Variants in TTC7B observed in about 807,000 individuals in gnomAD.
TTC7B encodes tetratricopeptide repeat protein 7B.
TTC7B carries 28 observed loss-of-function variants against 106.8 expected under a neutral mutation model. The ratio of observed to expected loss-of-function variants is 0.26; its 90% CI spans 0.19 to 0.36. The LOEUF is 0.36. TTC7B is among the 10% of genes least tolerant of loss of function. TTC7B has a pLI of 1.00. For synonymous variants in TTC7B, 405 were observed against 430.6 expected (o/e 0.94, Z 0.74); for missense variants, 862 against 1,076.4 (o/e 0.80, Z 2.79).
rs1888955227 is a variant in TTC7B, at chr14:90,722,990, A to G, written c.698+7085T>C. On this transcript the variant is annotated intron_variant, in intron 5 of 19. Coordinates refer to ENST00000328459, the MANE Select transcript of TTC7B (RefSeq NM_001010854.2). Reference sequence around the variant, plus strand: ...ATCTCATTCAATCCTGTGGCCTTAAATATAATCAATATGCTGAAATTCCCC... The same window carrying G: ...ATCTCATTCAATCCTGTGGCCTTAAGTATAATCAATATGCTGAAATTCCCC... Among the ~76,000 whole-genome samples, 3 of 152,296 alleles carry G rather than the reference A, an allele frequency of 2.0e-5. No homozygotes were observed. The South Asian group carries it at 6.2e-4, about 32-fold the overall frequency.
rs376362953 is a variant in TTC7B, at chr14:90,551,713, T to C, written c.2311-10124A>G. On this transcript the variant is annotated intron_variant, in intron 19 of 19. Coordinates refer to ENST00000328459, the MANE Select transcript of TTC7B (RefSeq NM_001010854.2). The stretch of plus-strand genomic sequence containing the variant: ...GAGACTGGCTTTGAAAGGGTTTCCT[T>C]GGAGCAGCTCAGGAACACAGAGCTG... Among the ~76,000 whole-genome samples the C allele has an allele frequency of 3.7e-4, 57 of 152,302 alleles. No individual in the cohort carries two copies. In the South Asian group the frequency reaches 3.9e-3, roughly 11 times the overall value.
intron 19 of TTC7B, among the ~76,000 whole-genome samples, chr14:90,557,814 G>A (rs1022535805): frequency 5.3e-5 from 8 of 152,258 alleles, no homozygotes; most frequent in South Asian, 2.1e-4. Context: ...GGCAGGCAGC[G>A]GAGTGGAGTG....
intron 9 of TTC7B, among the ~76,000 whole-genome samples, chr14:90,675,414 C>G (rs766437524): frequency 6.6e-5 from 10 of 152,044 alleles, no homozygotes; most frequent in Non-Finnish European, 1.2e-4. Context: ...ATCAAGGTAC[C>G]GGGAGAGGTT....
chr14:90,597,413 C>T (rs369547385), intron 17 of TTC7B, among the ~76,000 whole-genome samples: 44 of 152,156 alleles, frequency 2.9e-4, no homozygotes, highest in African/African-American at 8.7e-4. Context: ...ACCCCAGCAC[C>T]GTGGGAGGCT....
chr14:90,682,819 C>A (rs185430007), intron 7 of TTC7B, among the ~76,000 whole-genome samples: 1 of 152,240 alleles, frequency 6.6e-6, no homozygotes, highest in African/African-American at 2.4e-5. Flanking sequence ...GCAGCTGCTG[C>A]GCTGAGAATG....
At position 90,578,448 on chromosome 14, in the gene TTC7B, C is replaced by G. The variant is rs1171566993; in HGVS notation, c.2108-140G>C. 1.5e-5 allele frequency: 13 copies of G among 844,948 alleles called. No homozygotes were observed. The highest frequency in any genetic ancestry group is 8.3e-5 in the African/African-American group (5 of 59,940). The allele number at this position is 844,948 out of a possible 1,614,324, so 52.3% of individuals were successfully genotyped here. On this transcript the variant is annotated intron_variant, in intron 18 of 19. Transcript: ENST00000328459. The surrounding 1 kb of genome is among the most constrained non-coding windows in gnomAD (Gnocchi z 4.7). ...AGCTGATCCCTGCTCCAAGTGGAAA[C>G]AGCTGCCGCTGACAGTCCCTCCTGC... is the stretch of plus-strand genomic sequence containing the variant.
At chr14:90,582,464 C>T (rs1044309346) in intron 18 of TTC7B, among the ~76,000 whole-genome samples, 2 of 152,224 alleles carry the variant, frequency 1.3e-5, no homozygotes, top group Non-Finnish European at 2.9e-5. Context: ...AAGGCCGTGC[C>T]AAGGGATCAA....
intron 17 of TTC7B, among the ~76,000 whole-genome samples, chr14:90,596,039 T>TA (rs1261116950): frequency 6.6e-6 from 1 of 152,144 alleles, no homozygotes; most frequent in Non-Finnish European, 1.5e-5. Flanking sequence ...CTTCAGACTC[T>TA]AAAAAAATCA....
chr14:90,567,473 G>C (rs1890847554), intron 19 of TTC7B: 1 of 152,158 alleles, frequency 6.6e-6, no homozygotes, highest in Admixed American at 6.5e-5. Context: ...AGCTGGGGCT[G>C]TCTGAGCCTC....
At chr14:90,705,947 C>G (rs1288290821) in intron 5 of TTC7B, among the ~76,000 whole-genome samples, 3 of 152,172 alleles carry the variant, frequency 2.0e-5, no homozygotes, top group African/African-American at 7.2e-5. Context: ...TCAATACATG[C>G]CTCTGTTCTC....
At chr14:90,766,244 C>CA (rs145656690) in intron 3 of TTC7B, among the ~76,000 whole-genome samples, 6,284 of 133,412 alleles carry the variant, frequency 0.047, 158 homozygotes, top group Non-Finnish European at 0.059. Flanking sequence ...TCAACAACAT[C>CA]AAAAAAAAAT....
At chr14:90,580,853 G>A (rs1046075899) in intron 18 of TTC7B, among the ~76,000 whole-genome samples, 3 of 152,230 alleles carry the variant, frequency 2.0e-5, no homozygotes, top group African/African-American at 7.2e-5. Flanking sequence ...CCTGGCAGGC[G>A]CTGGGGCAGA....
intron 16 of TTC7B, among the ~76,000 whole-genome samples, chr14:90,616,866 A>C (rs1893103128): frequency 6.6e-6 from 1 of 152,060 alleles, no homozygotes; most frequent in Admixed American, 6.6e-5. Flanking sequence ...TAGGCCCCTG[A>C]CTCTTAAAAG....
At chr14:90,737,785 C>A (rs1448498284) in intron 4 of TTC7B, among the ~76,000 whole-genome samples, 1 of 152,076 alleles carries the variant, frequency 6.6e-6, no homozygotes, top group Non-Finnish European at 1.5e-5. Flanking sequence ...TCTTGAACTC[C>A]TGACTTTGTG....
chr14:90,585,343 C>G (rs1891669036), intron 18 of TTC7B, among the ~76,000 whole-genome samples: 1 of 152,212 alleles, frequency 6.6e-6, no homozygotes, highest in Non-Finnish European at 1.5e-5. Flanking sequence ...GGCCTCAGCC[C>G]CGCTGTTCTG....
chr14:90,766,485 G>T (rs1360863380), intron 3 of TTC7B: 2 of 663,606 alleles, frequency 3.0e-6, no homozygotes, highest in South Asian at 3.4e-5. Context: ...AAGCCAATAA[G>T]AAATTCTGGA....
At chr14:90,729,221 A>G (rs1889230385) in intron 5 of TTC7B, among the ~76,000 whole-genome samples, 1 of 152,258 alleles carries the variant, frequency 6.6e-6, no homozygotes, top group South Asian at 2.1e-4. Flanking sequence ...GCCACCAGGC[A>G]GATGAAATCC....
chr14:90,763,861 T>C (rs1890586176), intron 3 of TTC7B, among the ~76,000 whole-genome samples: 1 of 152,234 alleles, frequency 6.6e-6, no homozygotes, highest in South Asian at 2.1e-4. Flanking sequence ...AGATATCCCA[T>C]GTTCATGGAT....
At chr14:90,596,422 G>T (rs1181946626) in intron 17 of TTC7B, among the ~76,000 whole-genome samples, 2 of 152,138 alleles carry the variant, frequency 1.3e-5, no homozygotes, top group Non-Finnish European at 2.9e-5. Context: ...AGGTCTGGCA[G>T]ATGATGATGA....
Sources: gnomAD v4.1 joint callset for allele counts (sites outside exome capture counted in the v4.1 genomes callset) on GRCh38, gnomAD v4.1.1 for gene constraint, Gnocchi (gnomAD v3.1) non-coding constraint, MANE v1.5 for transcripts, NCBI Gene and HGNC (gene_info 2026-07-23, HGNC 2026-07-21) for gene names.